Variants in GALNT13 observed in about 807,000 individuals in gnomAD.
The protein encoded by GALNT13 is polypeptide N-acetylgalactosaminyltransferase 13.
A neutral mutation model predicts 64.2 loss-of-function variants in GALNT13; 28 were observed. The ratio of observed to expected loss-of-function variants is 0.44; its 90% CI spans 0.32 to 0.60. GALNT13 has a LOEUF of 0.60. Ranked by LOEUF, GALNT13 falls within the 20% of genes least tolerant of loss-of-function variation. The pLI is 0.05. For missense variants in GALNT13, 577 were observed against 669.8 expected, an observed-to-expected ratio of 0.86 and a Z score of 1.53; for synonymous variants, 214 against 224.6, an observed-to-expected ratio of 0.95 and a Z score of 0.42.
intron 11 of GALNT13, among the ~76,000 whole-genome samples, chr2:154,414,854 C>CT (rs1392843283): frequency 1.1e-4 from 17 of 151,822 alleles, no homozygotes; most frequent in Non-Finnish European, 2.1e-4. Context: ...AATACTTTCT[C>CT]TTTTTTGTGT....
At chr2:154,117,158 G>A (rs958193490) in intron 3 of GALNT13, among the ~76,000 whole-genome samples, 4 of 151,890 alleles carry the variant, frequency 2.6e-5, no homozygotes, top group Non-Finnish European at 5.9e-5. Flanking sequence ...GGCACCCACC[G>A]AGATTAAGTT....
intron 3 of GALNT13, among the ~76,000 whole-genome samples, chr2:154,049,055 A>G (rs1445203515): frequency 1.3e-5 from 2 of 152,098 alleles, no homozygotes; most frequent in African/African-American, 4.8e-5. Flanking sequence ...AAAAATAAGT[A>G]TGCTTGCATA....
At chr2:154,085,380 G>A (rs1226364382) in intron 3 of GALNT13, among the ~76,000 whole-genome samples, 4 of 151,902 alleles carry the variant, frequency 2.6e-5, no homozygotes, top group Admixed American at 6.6e-5. Context: ...AACCATTGTG[G>A]TTTTCAGGTG....
At chr2:153,598,871 A>C in the GALNT13 span, among the ~76,000 whole-genome samples, 1 of 152,082 alleles carries the variant, frequency 6.6e-6, no homozygotes, top group Non-Finnish European at 1.5e-5. Context: ...GTGATATCTG[A>C]AAAATTCTTT....
At chr2:153,952,747 G>A (rs1005972617) in intron 3 of GALNT13, among the ~76,000 whole-genome samples, 13 of 146,844 alleles carry the variant, frequency 8.9e-5, no homozygotes, top group African/African-American at 3.1e-4. Context: ...AAGCTGAGGA[G>A]CAAGAAAGCC....
intron 3 of GALNT13, among the ~76,000 whole-genome samples, chr2:154,016,615 A>G (rs1332107481): frequency 6.6e-6 from 1 of 151,914 alleles, no homozygotes; most frequent in Non-Finnish European, 1.5e-5. Flanking sequence ...ACGAGGTTTC[A>G]CCATATTGGC....
At chr2:153,605,177 CT>C in the GALNT13 span, among the ~76,000 whole-genome samples, 2 of 152,080 alleles carry the variant, frequency 1.3e-5, no homozygotes, top group African/African-American at 4.8e-5. Flanking sequence ...TTCCAAATAG[CT>C]TTTTCGCAGC....
the GALNT13 span, among the ~76,000 whole-genome samples, chr2:153,476,636 AC>A: frequency 3.3e-5 from 5 of 152,232 alleles, no homozygotes; most frequent in East Asian, 9.7e-4. Context: ...CTCATCTCCC[AC>A]ATTCAGGACC....
At chr2:153,524,409 A>T in the GALNT13 span, among the ~76,000 whole-genome samples, 1 of 150,716 alleles carries the variant, frequency 6.6e-6, no homozygotes, top group Non-Finnish European at 1.5e-5. Context: ...TTTAACTACT[A>T]TCTACACACA....
the GALNT13 span, among the ~76,000 whole-genome samples, chr2:153,507,705 T>C: frequency 6.6e-6 from 1 of 152,250 alleles, no homozygotes; most frequent in Non-Finnish European, 1.5e-5. Context: ...GATTCATTGC[T>C]GGTGAGCTGG....
chr2:154,036,182 C>T (rs1698650629), intron 3 of GALNT13, among the ~76,000 whole-genome samples: 1 of 152,038 alleles, frequency 6.6e-6, no homozygotes, highest in Non-Finnish European at 1.5e-5. Context: ...ACTGTTATAG[C>T]AACAGCAATT....
chr2:154,109,619 A>G (rs1007163655), intron 3 of GALNT13, among the ~76,000 whole-genome samples: 4 of 152,170 alleles, frequency 2.6e-5, no homozygotes, highest in African/African-American at 9.6e-5. Flanking sequence ...CTTCTTACAT[A>G]TGGGCTTCAC....
the GALNT13 span, among the ~76,000 whole-genome samples, chr2:153,408,994 A>G: frequency 6.6e-6 from 1 of 151,752 alleles, no homozygotes; most frequent in South Asian, 2.1e-4. Flanking sequence ...TCTGGCCTTT[A>G]TCTTTCTCCT....
chr2:153,248,538 G>A, the GALNT13 span, among the ~76,000 whole-genome samples: 1 of 151,434 alleles, frequency 6.6e-6, no homozygotes, highest in African/African-American at 2.4e-5. Context: ...CCCTCGGCCG[G>A]GCGTGGTGGC....
chr2:153,180,973 A>G, the GALNT13 span, among the ~76,000 whole-genome samples: 1 of 120,828 alleles, frequency 8.3e-6, no homozygotes, highest in Admixed American at 8.1e-5. Flanking sequence ...AGTTGCATTG[A>G]TCTTTTTTAT....
At chr2:153,996,389 A>G (rs1210168685) in intron 3 of GALNT13, among the ~76,000 whole-genome samples, 1 of 152,070 alleles carries the variant, frequency 6.6e-6, no homozygotes, top group Admixed American at 6.6e-5. Flanking sequence ...ATAAGGTGAT[A>G]TCTTATTATG....
the GALNT13 span, among the ~76,000 whole-genome samples, chr2:153,594,173 T>C: frequency 6.6e-6 from 1 of 152,244 alleles, no homozygotes; most frequent in African/African-American, 2.4e-5. Context: ...TGTTTATGTA[T>C]TTTACTTTCC....
the GALNT13 span, among the ~76,000 whole-genome samples, chr2:153,283,981 A>G: frequency 2.0e-5 from 3 of 152,148 alleles, no homozygotes; most frequent in Non-Finnish European, 4.4e-5. Flanking sequence ...AAGCTCAGGA[A>G]GGATGGGGTG....
At chr2:153,541,578 C>T in the GALNT13 span, among the ~76,000 whole-genome samples, 4 of 152,166 alleles carry the variant, frequency 2.6e-5, no homozygotes, top group Non-Finnish European at 5.9e-5. Context: ...TTCTCCCCTG[C>T]GTTTCTGTGT....
Sources: allele counts gnomAD v4.1 joint callset (sites outside exome capture counted in the v4.1 genomes callset), GRCh38; gene constraint gnomAD v4.1.1; transcripts MANE v1.5; gene names NCBI Gene and HGNC (gene_info 2026-07-23, HGNC 2026-07-21).